The following SERPINA10 variants were observed in gnomAD, a reference collection of about 807,000 sequenced individuals.
SERPINA10 encodes the protein protein Z-dependent protease inhibitor.
In SERPINA10, 24 loss-of-function variants were observed where a neutral mutation model predicts 28.0. The observed-to-expected ratio is 0.86, with a 90% CI of 0.62 to 1.20. The LOEUF is 1.20. SERPINA10 is among the 50% of genes most tolerant of loss of function. The pLI is 0.00. For synonymous variants in SERPINA10, 207 were observed against 203.9 expected (o/e 1.02, Z -0.13); for missense variants, 521 against 537.7 (o/e 0.97, Z 0.31).
chr14:94,287,580 T>C (rs980292589), intron 3 of SERPINA10, among the ~76,000 whole-genome samples: 3 of 152,216 alleles, frequency 2.0e-5, no homozygotes, highest in Non-Finnish European at 2.9e-5. Context: ...CAGGAGCTTA[T>C]GTGATCCTTT....
chr14:94,290,795 G>T (rs1314781754), intron 1 of SERPINA10, 152 bp from the exon 2 acceptor site: 2 of 811,368 alleles, frequency 2.5e-6, no homozygotes, highest in African/African-American at 1.7e-5. Context: ...GGTGACATTT[G>T]CTCACCCAAA....
chr14:94,284,522 T>C (rs981006449), intron 4 of SERPINA10, among the ~76,000 whole-genome samples: 1 of 152,202 alleles, frequency 6.6e-6, no homozygotes, highest in African/African-American at 2.4e-5. Flanking sequence ...CCTGGATCCC[T>C]TGATCCCTGG....
rs1334022524 is a variant in SERPINA10 at position 94,280,467 on chromosome 14, T to C, written c.*3498A>G. On this transcript the variant is annotated 3_prime_UTR_variant, in exon 5 of 5. Coordinates refer to ENST00000261994, the MANE Select transcript of SERPINA10 (RefSeq NM_001100607.3). ...ACAGAACATGACATTTCCTAAAATC[T>C]TTGAAATATTTATTAAAATTATACT... is the stretch of plus-strand genomic sequence containing the variant. The C allele has an allele frequency of 6.6e-6, 1 of 152,172 alleles. No homozygotes were observed. The highest frequency in any genetic ancestry group is 1.5e-5 in the Non-Finnish European group (1 of 68,018). The allele number at this position is 152,172 out of a possible 1,614,324, so 9.4% of individuals were successfully genotyped here.
At chr14:94,287,377 GAC>G (rs757413842) in intron 3 of SERPINA10, among the ~76,000 whole-genome samples, 1 of 152,084 alleles carries the variant, frequency 6.6e-6, no homozygotes, top group Non-Finnish European at 1.5e-5. Flanking sequence ...GATCACCTTT[GAC>G]ACCTCTCTCA....
rs915353875 is a variant in SERPINA10 at position 94,287,520 on chromosome 14, A to G, written c.992+766T>C. ...CTACCTGGATTGCTAGTAACTTTCT[A>G]ACCACTCTCCCTTGCTTCCATCCTT... On this transcript the variant is annotated intron_variant, in intron 3 of 4. Coordinates refer to ENST00000261994, the MANE Select transcript of SERPINA10 (RefSeq NM_001100607.3). 2.0e-5 allele frequency among the ~76,000 whole-genome samples: 3 copies of G among 152,064 alleles called. No homozygotes were observed. In the South Asian group the frequency reaches 6.2e-4, roughly 32 times the overall value.
rs139982545 is a variant in SERPINA10 at position 94,286,176 on chromosome 14, T to C, written c.1075A>G (p.Arg359Gly). 7.4e-6 allele frequency: 12 copies of C among 1,614,156 alleles called. No homozygotes were observed. The African/African-American group carries it at 1.1e-4, about 14-fold the overall frequency. ...HELLRQMGIR[R>G]IFSPFADLSE... is the part of the protein sequence containing the mutation. ...AGGTCAGCAAAGGGTGAGAAGATTC[T>C]TCTGATTCCCATCTGCCTAAGCAGC... Residue 359 changes from arginine to glycine, a missense_variant, in exon 4 of 5, where the codon AGA (arginine) becomes GGA (glycine). Physicochemically the swap from Arg to Gly is moderately radical, Grantham distance 125. Transcript: ENST00000261994.
Position 94,281,242 on chromosome 14 carries a change from C to T in SERPINA10, c.*2723G>A, listed in dbSNP as rs1320944458. On this transcript the variant is annotated 3_prime_UTR_variant, in exon 5 of 5. Coordinates refer to ENST00000261994, the MANE Select transcript of SERPINA10 (RefSeq NM_001100607.3). ...ACAAGGTCAGGAGATCAAGACCATC[C>T]TGACTAACACAGTGAAACCCCATCT... 3.3e-5 allele frequency: 5 copies of T among 152,168 alleles called. No individual in the cohort carries two copies. The highest frequency in any genetic ancestry group is 6.6e-5 in the Admixed American group (1 of 15,262). 9.4% of individuals were successfully genotyped at this position (152,168 alleles called of 1,614,324 possible). A position where few individuals can be genotyped will look rare whatever the true frequency, so the allele number is the denominator to read the frequency against.
At chr14:94,286,027 A>T in intron 4 of SERPINA10, 81 bp downstream of exon 4, 1 of 1,540,982 alleles carries the variant, frequency 6.5e-7, no homozygotes, top group Middle Eastern at 1.7e-4. Flanking sequence ...GTATTTTATC[A>T]AAGTTAAATG....
At chr14:94,289,154 C>T (rs1405665853) in intron 2 of SERPINA10, among the ~76,000 whole-genome samples, 1 of 152,178 alleles carries the variant, frequency 6.6e-6, no homozygotes, top group Non-Finnish European at 1.5e-5. Context: ...CTTCCCCTGC[C>T]GGGGCTTTGT....
In SERPINA10 at chr14:94,283,170, G is replaced by A. The variant is rs945518303; in HGVS notation, c.*795C>T. On this transcript the variant is annotated 3_prime_UTR_variant, in exon 5 of 5. Coordinates refer to ENST00000261994, the MANE Select transcript of SERPINA10 (RefSeq NM_001100607.3). ...GTGTTCCTCCCAAAGGCTTTATCTT[G>A]ACATAGTGTTCTCATCTGCAACTTT... 2 of 152,242 alleles carry A rather than the reference G, an allele frequency of 1.3e-5. No homozygotes were observed. The highest frequency in any genetic ancestry group is 4.8e-5 in the African/African-American group (2 of 41,450). 9.4% of individuals were successfully genotyped at this position (152,242 alleles called of 1,614,324 possible).
intron 3 of SERPINA10, among the ~76,000 whole-genome samples, chr14:94,287,827 T>C (rs549284716): frequency 6.6e-6 from 1 of 152,354 alleles, no homozygotes; most frequent in East Asian, 1.9e-4. Flanking sequence ...TCCCCGAATA[T>C]ATCCACATGG....
Position 94,290,044 on chromosome 14 carries a change from T to C in SERPINA10, c.550A>G (p.Arg184Gly). 1.9e-6 allele frequency: 3 copies of C among 1,614,224 alleles called. No homozygotes were observed. Among genetic ancestry groups the C allele is most frequent in the Non-Finnish European group, 1.7e-6 (2 of 1,180,038 alleles). The change falls in exon 2 of 5, where the codon AGG becomes GGG. Residue 184 changes from arginine (R) to glycine (G), a missense_variant. Transcript: ENST00000261994. ...GGCACGCACTCTGTATCAAAATACC[T>C]CTTGGATAAATTGAAGAAAGTCTCT... ...VKETFFNLSK[R>G]YFDTECVPMN...
In SERPINA10 at chr14:94,288,475, A is replaced by C. The variant is rs1296152232; in HGVS notation, c.803T>G (p.Met268Arg). ...GGCAAACTTGCCTGCACCGTACATC[A>C]TGGGCACCTTAATGGTCTTGTACTT... is the stretch of plus-strand genomic sequence containing the variant. ...LDKYKTIKVP[M>R]MYGAGKFAST... The change falls in exon 3 of 5, where the codon ATG becomes AGG. Residue 268 changes from methionine to arginine, a missense_variant. Physicochemically the swap from Met to Arg is moderately conservative, Grantham distance 91. Coordinates refer to ENST00000261994, the MANE Select transcript of SERPINA10 (RefSeq NM_001100607.3). 1.2e-6 allele frequency: 2 copies of C among 1,614,158 alleles called. No individual in the cohort carries two copies. The highest frequency in any genetic ancestry group is 2.7e-5 in the African/African-American group (2 of 75,032).
chr14:94,284,080 G>T lies in SERPINA10; in HGVS notation c.1220C>A (p.Ala407Asp), dbSNP rs1289089250. ...TTTGATGACAGGAGGCATGGAATAA[G>T]CAGTAATTTCTGACAAGATTCCTGC... ...AVAGILSEIT[A>D]YSMPPVIKVD... The change falls in exon 5 of 5, where the codon GCT becomes GAT. Residue 407 changes from alanine to aspartate, a missense_variant. Physicochemically the swap from Ala to Asp is moderately radical, Grantham distance 126. Coordinates refer to ENST00000261994, the MANE Select transcript of SERPINA10 (RefSeq NM_001100607.3). The T allele has an allele frequency of 6.2e-7, 1 of 1,614,112 alleles. No individual in the cohort carries two copies. Among genetic ancestry groups the T allele is most frequent in the Admixed American group, 1.7e-5 (1 of 60,018 alleles).
chr14:94,287,390 C>A (rs1228805172), intron 3 of SERPINA10, among the ~76,000 whole-genome samples: 2 of 152,164 alleles, frequency 1.3e-5, no homozygotes, highest in African/African-American at 4.8e-5. Flanking sequence ...ACCTCTCTCA[C>A]CCACATCCAA....
chr14:94,290,471 T>C lies in SERPINA10; in HGVS notation c.123A>G (p.Val41=). The change falls in exon 2 of 5, where the codon GTA becomes GTG. Residue 41 remains valine (V), a synonymous_variant. Transcript: ENST00000261994. ...TPAPQNQTSR[V]VQAPKEEEED... ...CCTCTTCCTCCTTGGGAGCCTGCACTACCCTGCTGGTCTGGTTCTGAGGGG... is the reference window on the plus strand; with the variant it reads ...CCTCTTCCTCCTTGGGAGCCTGCACCACCCTGCTGGTCTGGTTCTGAGGGG... 6.2e-7 allele frequency: 1 copy of C among 1,613,768 alleles called. No homozygotes were observed. Among genetic ancestry groups the C allele is most frequent in the Non-Finnish European group, 8.5e-7 (1 of 1,179,846 alleles).
chr14:94,286,301 C>G, intron 3 of SERPINA10, 43 bp from the exon 4 acceptor site: 4 of 1,609,920 alleles, frequency 2.5e-6, no homozygotes, highest in Non-Finnish European at 3.4e-6. Flanking sequence ...AGACAAAGCC[C>G]TAGTCTGTGG....
intron 2 of SERPINA10, 115 bp from the exon 3 acceptor site, chr14:94,288,674 C>T (rs1257726536): frequency 5.0e-6 from 7 of 1,393,732 alleles, no homozygotes; most frequent in African/African-American, 2.8e-5. Flanking sequence ...CTCGTCTTCT[C>T]GTTCCAACTA....
Position 94,282,650 on chromosome 14 carries a change from T to C in SERPINA10, c.*1315A>G, listed in dbSNP as rs1894928047. ...TCCCACTGGTATATAAGGTATGACTTATCCACTAGATGCAGAAGACACAGT... is the reference window on the plus strand; with the variant it reads ...TCCCACTGGTATATAAGGTATGACTCATCCACTAGATGCAGAAGACACAGT... On this transcript the variant is annotated 3_prime_UTR_variant, in exon 5 of 5. Coordinates refer to ENST00000261994, the MANE Select transcript of SERPINA10 (RefSeq NM_001100607.3). 6.6e-6 allele frequency: 1 copy of C among 152,188 alleles called. No homozygotes were observed. The highest frequency in any genetic ancestry group is 6.5e-5 in the Admixed American group (1 of 15,270). The allele number at this position is 152,188 out of a possible 1,614,324, so 9.4% of individuals were successfully genotyped here.
Sources: gnomAD v4.1 joint callset for allele counts (sites outside exome capture counted in the v4.1 genomes callset) on GRCh38, gnomAD v4.1.1 for gene constraint, MANE v1.5 for transcripts, NCBI Gene and HGNC (gene_info 2026-07-23, HGNC 2026-07-21) for gene names.